Variants in GTF2IRD1 observed in about 807,000 individuals in gnomAD.
GTF2IRD1 encodes general transcription factor II-I repeat domain-containing protein 1.
Under a neutral mutation model 113.2 loss-of-function variants are expected in GTF2IRD1, and 26 were observed. The observed-to-expected ratio is 0.23, with a 90% CI of 0.17 to 0.32. The LOEUF (loss-of-function observed/expected upper bound fraction) is 0.32. Among genes scored for constraint, GTF2IRD1 ranks in the 10% least tolerant of loss-of-function variants. GTF2IRD1 has a pLI of 1.00. For missense variants in GTF2IRD1, 864 were observed against 1,280.8 expected (o/e 0.67, Z 4.97); for synonymous variants, 484 against 529.1 (o/e 0.91, Z 1.17).
At chr7:74,548,320 G>A (rs62475382) in intron 17 of GTF2IRD1, among the ~76,000 whole-genome samples, 29 of 152,130 alleles carry the variant, frequency 1.9e-4, no homozygotes, top group Non-Finnish European at 4.3e-4. Context: ...TACTCAGGAG[G>A]CTGAGGCAGG....
At chr7:74,477,728 G>T (rs1171110801) in intron 1 of GTF2IRD1, among the ~76,000 whole-genome samples, 1 of 152,022 alleles carries the variant, frequency 6.6e-6, no homozygotes, top group Non-Finnish European at 1.5e-5. Context: ...GGTTGCAGGG[G>T]CATGGGTGGG....
intron 14 of GTF2IRD1, 74 bp downstream of exon 14, chr7:74,540,042 G>A: frequency 9.5e-7 from 1 of 1,055,992 alleles, no homozygotes. Flanking sequence ...GGTGGGCCAG[G>A]CCGTCCCCAG....
chr7:74,487,147 C>T (rs1795076637), intron 1 of GTF2IRD1, among the ~76,000 whole-genome samples: 2 of 152,148 alleles, frequency 1.3e-5, no homozygotes, highest in East Asian at 1.9e-4. Flanking sequence ...ACATGATTCT[C>T]CCTGCCTCAG....
intron 1 of GTF2IRD1, among the ~76,000 whole-genome samples, chr7:74,459,177 T>G (rs1793191216): frequency 6.6e-6 from 1 of 152,000 alleles, no homozygotes; most frequent in Admixed American, 6.6e-5. Flanking sequence ...TAGGGCCGGG[T>G]GCGGTGGCTC....
rs368511757 is a variant in GTF2IRD1 at position 74,547,217 on chromosome 7, A to G, written c.1847A>G (p.Asn616Ser). 10 of 1,613,596 alleles carry G rather than the reference A, an allele frequency of 6.2e-6. No individual in the cohort carries two copies. The highest frequency in any genetic ancestry group is 1.7e-4 in the Middle Eastern group (1 of 6,054). The change falls in exon 17 of 27, where the codon AAC (asparagine) becomes AGC (serine). Residue 616 changes from asparagine to serine, a missense_variant. Transcript: ENST00000424337. ...GAAGGCATCTCCCTCCGCAGGCCCAACTGCTTCGGGATCGCCAAGCTCCGG... is the reference window on the plus strand; with the variant it reads ...GAAGGCATCTCCCTCCGCAGGCCCAGCTGCTTCGGGATCGCCAAGCTCCGG... ...LPEGISLRRP[N>S]CFGIAKLRKI... is the part of the protein sequence containing the mutation.
intron 1 of GTF2IRD1, among the ~76,000 whole-genome samples, chr7:74,499,077 G>C (rs1240716810): frequency 1.3e-5 from 2 of 152,184 alleles, no homozygotes; most frequent in African/African-American, 2.4e-5. Context: ...AGCTGGAGGA[G>C]GGCAGGCGGA....
At chr7:74,575,853 G>A (rs967878699) in intron 22 of GTF2IRD1, among the ~76,000 whole-genome samples, 4 of 152,090 alleles carry the variant, frequency 2.6e-5, no homozygotes, top group African/African-American at 4.8e-5. Flanking sequence ...ATATGATTTG[G>A]GGAATCATGA....
intron 1 of GTF2IRD1, among the ~76,000 whole-genome samples, chr7:74,499,811 CGAAA>C (rs1281602452): frequency 5.9e-5 from 9 of 151,754 alleles, no homozygotes; most frequent in Middle Eastern, 3.4e-3. Context: ...TGAATGCACA[CGAAA>C]GAAAGAATGA....
At chr7:74,591,324 A>G (rs1802047575) in intron 24 of GTF2IRD1, among the ~76,000 whole-genome samples, 2 of 149,232 alleles carry the variant, frequency 1.3e-5, no homozygotes, top group Non-Finnish European at 3.0e-5. Flanking sequence ...AAATATGAAT[A>G]TTTATTATAT....
At chr7:74,484,160 G>T (rs1474108192) in intron 1 of GTF2IRD1, among the ~76,000 whole-genome samples, 1 of 152,220 alleles carries the variant, frequency 6.6e-6, no homozygotes, top group Non-Finnish European at 1.5e-5. Flanking sequence ...GAAAGCCTGT[G>T]TCCCTAAATT....
At chr7:74,546,661 C>T (rs1470381020) in intron 16 of GTF2IRD1, among the ~76,000 whole-genome samples, 1 of 152,206 alleles carries the variant, frequency 6.6e-6, no homozygotes, top group Non-Finnish European at 1.5e-5. Flanking sequence ...GGGTTCGTTC[C>T]AAGGCGTGGT....
At chr7:74,501,595 C>A (rs1796035830) in intron 1 of GTF2IRD1, among the ~76,000 whole-genome samples, 1 of 152,140 alleles carries the variant, frequency 6.6e-6, no homozygotes, top group Non-Finnish European at 1.5e-5. Flanking sequence ...GCTGTCCCCT[C>A]TGTGAAGGGC....
At chr7:74,482,799 G>T (rs1271314189) in intron 1 of GTF2IRD1, among the ~76,000 whole-genome samples, 2 of 152,154 alleles carry the variant, frequency 1.3e-5, no homozygotes, top group African/African-American at 4.8e-5. Context: ...ATCCTTGCGA[G>T]ATTCCACCGT....
intron 9 of GTF2IRD1, among the ~76,000 whole-genome samples, chr7:74,530,586 TA>T (rs58675988): frequency 0.22 from 8,520 of 39,130 alleles, 176 homozygotes; most frequent in African/African-American, 0.25. Context: ...CCCTGTTTCT[TA>T]AAAAAAAAAA....
intron 22 of GTF2IRD1, chr7:74,572,645 C>G: frequency 3.2e-6 from 2 of 623,904 alleles, no homozygotes; most frequent in Non-Finnish European, 4.0e-6. Context: ...GGCACACACC[C>G]TCTGGCCCCT....
At chr7:74,584,786 T>C (rs747975160) in intron 22 of GTF2IRD1, among the ~76,000 whole-genome samples, 5 of 152,232 alleles carry the variant, frequency 3.3e-5, no homozygotes, top group Non-Finnish European at 5.9e-5. Context: ...TGTTTTTTGT[T>C]TGTTTGGGTT....
rs1258756225 is a variant in GTF2IRD1 at position 74,491,196 on chromosome 7, C to T, written c.-6-16879C>T. ...TGGCAGGCACCTGTAATCCCAGCTA[C>T]TCAGGAGGCTGAGGCACGAGAATCG... is the stretch of plus-strand genomic sequence containing the variant. On this transcript the variant is annotated intron_variant, in intron 1 of 26. Transcript: ENST00000424337. 2.0e-5 allele frequency among the ~76,000 whole-genome samples: 3 copies of T among 151,700 alleles called. No individual in the cohort carries two copies. The East Asian group carries it at 5.8e-4, about 29-fold the overall frequency.
At chr7:74,534,762 G>T (rs587705325) in intron 9 of GTF2IRD1, among the ~76,000 whole-genome samples, 2 of 151,288 alleles carry the variant, frequency 1.3e-5, no homozygotes, top group African/African-American at 4.9e-5. Context: ...AATTAGCAGG[G>T]CATGGTGGTG....
chr7:74,517,001 T>G (rs973504012), intron 4 of GTF2IRD1, among the ~76,000 whole-genome samples: 4 of 90,182 alleles, frequency 4.4e-5, no homozygotes, highest in Non-Finnish European at 6.6e-5. Context: ...CTCTCCTGTC[T>G]TTGTTGTTGT....
Sources: gnomAD v4.1 joint callset for allele counts (sites outside exome capture counted in the v4.1 genomes callset) on GRCh38, gnomAD v4.1.1 for gene constraint, MANE v1.5 for transcripts, NCBI Gene and HGNC (gene_info 2026-07-23, HGNC 2026-07-21) for gene names.